Variants in GAS7 observed in about 807,000 individuals in gnomAD.
GAS7 encodes growth arrest-specific protein 7.
Under a neutral mutation model 71.1 loss-of-function variants are expected in GAS7, and 28 were observed. The ratio of observed to expected loss-of-function variants is 0.39; its 90% CI spans 0.29 to 0.54. The LOEUF is 0.54. Among genes scored for constraint, GAS7 ranks in the 20% least tolerant of loss-of-function variants. The pLI, the probability that GAS7 is intolerant of heterozygous loss-of-function variation, is 0.62. For missense variants in GAS7, 436 were observed against 627.8 expected (o/e 0.69, Z 3.27); for synonymous variants, 258 against 245.8 (o/e 1.05, Z -0.46).
intron 1 of GAS7, among the ~76,000 whole-genome samples, chr17:10,132,737 G>A (rs936477945): frequency 6.7e-6 from 1 of 149,978 alleles, no homozygotes; most frequent in Admixed American, 6.8e-5. Context: ...CAGTCTGGGC[G>A]ACAGAGTAAG....
At chr17:10,039,791 G>A (rs1207783624) in intron 1 of GAS7, 1 of 455,300 alleles carries the variant, frequency 2.2e-6, no homozygotes, top group East Asian at 7.0e-5. Flanking sequence ...GACACAGCCA[G>A]CATCCTAATG....
chr17:10,081,623 A>G (rs2073458309), intron 1 of GAS7, among the ~76,000 whole-genome samples: 1 of 152,266 alleles, frequency 6.6e-6, no homozygotes, highest in East Asian at 1.9e-4. Flanking sequence ...GAGAATGCAC[A>G]GGAAACCCAC....
intron 2 of GAS7, among the ~76,000 whole-genome samples, chr17:9,983,106 G>GT (rs2070498716): frequency 1.0e-5 from 1 of 95,540 alleles, no homozygotes; most frequent in Non-Finnish European, 2.6e-5. Context: ...GTATCCATAT[G>GT]TTGATTTGTT....
At chr17:10,112,540 AG>A (rs750029068) in intron 1 of GAS7, among the ~76,000 whole-genome samples, 1 of 152,204 alleles carries the variant, frequency 6.6e-6, no homozygotes, top group Non-Finnish European at 1.5e-5. Context: ...GTTCGAGACC[AG>A]CCTGACCAAC....
intron 1 of GAS7, among the ~76,000 whole-genome samples, chr17:10,067,739 C>T (rs1234607495): frequency 2.0e-5 from 3 of 152,178 alleles, no homozygotes; most frequent in African/African-American, 7.2e-5. Flanking sequence ...TTTGAAAATA[C>T]ATCCCAGACA....
chr17:10,026,809 T>C lies in GAS7; in HGVS notation c.184-6912A>G, dbSNP rs546062369. 5.3e-5 allele frequency among the ~76,000 whole-genome samples: 8 copies of C among 152,362 alleles called. No homozygotes were observed. The South Asian group carries it at 1.7e-3, about 32-fold the overall frequency. On this transcript the variant is annotated intron_variant, in intron 1 of 13. Transcript: ENST00000432992. The surrounding 1 kb of genome is among the most constrained non-coding windows in gnomAD (Gnocchi z 4.5). ...CGAGAAGGATACTCTCCTCCAGCTC[T>C]GGGTTAAGACACAAATCATGCAACA...
At chr17:9,923,631 C>G (rs1313007712) in intron 11 of GAS7, among the ~76,000 whole-genome samples, 2 of 152,212 alleles carry the variant, frequency 1.3e-5, no homozygotes, top group African/African-American at 4.8e-5. Flanking sequence ...CTACCAATTT[C>G]AAATCTTGAT....
chr17:10,016,616 A>C (rs1382614479), intron 2 of GAS7, among the ~76,000 whole-genome samples: 3 of 146,312 alleles, frequency 2.1e-5, no homozygotes, highest in Admixed American at 1.4e-4. Context: ...AAAAAAAAAA[A>C]AAAAAAAACA....
At chr17:10,037,941 G>A (rs2072786833) in intron 1 of GAS7, among the ~76,000 whole-genome samples, 1 of 151,780 alleles carries the variant, frequency 6.6e-6, no homozygotes, top group Non-Finnish European at 1.5e-5. Flanking sequence ...CTCCAAAGAA[G>A]ATATAAAAAT....
chr17:10,048,443 TA>T (rs2073013090), intron 1 of GAS7, among the ~76,000 whole-genome samples: 1 of 152,220 alleles, frequency 6.6e-6, no homozygotes, highest in Non-Finnish European at 1.5e-5. Context: ...CTCTTTCTAC[TA>T]GAATAAAAGC....
At chr17:9,932,000 C>A (rs988327259) in intron 9 of GAS7, among the ~76,000 whole-genome samples, 1 of 152,054 alleles carries the variant, frequency 6.6e-6, no homozygotes, top group East Asian at 1.9e-4. Context: ...GAGTGCTGAA[C>A]GTGGAAGTCC....
intron 1 of GAS7, among the ~76,000 whole-genome samples, chr17:10,102,606 C>T (rs1003743102): frequency 6.6e-6 from 1 of 152,102 alleles, no homozygotes; most frequent in African/African-American, 2.4e-5. Flanking sequence ...GTGGTCATCC[C>T]CTGACCTGGT....
At chr17:10,089,714 G>GT (rs77994642) in intron 1 of GAS7, among the ~76,000 whole-genome samples, 45,795 of 151,980 alleles carry the variant, frequency 0.3, 7,358 homozygotes, top group Non-Finnish European at 0.33. Flanking sequence ...GGGGAGAAAG[G>GT]TAAGGAGGAG....
chr17:10,148,776 G>T (rs1034533555), intron 1 of GAS7, among the ~76,000 whole-genome samples: 2 of 151,946 alleles, frequency 1.3e-5, no homozygotes, highest in Non-Finnish European at 2.9e-5. Context: ...TGGGCATGGT[G>T]GCGGGTGCCT....
chr17:10,034,173 A>G lies in GAS7; in HGVS notation c.184-14276T>C. The stretch of plus-strand genomic sequence containing the variant: ...GAATCGGAGCTGGTAAAGCTGCAGC[A>G]GTCTCGCTGGCAGATCTTGAGCAAC... On this transcript the variant is annotated intron_variant, in intron 1 of 13. Coordinates refer to ENST00000432992, the MANE Select transcript of GAS7 (RefSeq NM_201433.2). This position sits in a 1 kb window ranked among gnomAD's most constrained non-coding sequence, Gnocchi z 4.4. 1 of 984,936 alleles carries G rather than the reference A, an allele frequency of 1.0e-6. No homozygotes were observed. The allele number at this position is 984,936 out of a possible 1,614,324, so 61.0% of individuals were successfully genotyped here. A position where few individuals can be genotyped will look rare whatever the true frequency, so the allele number is the denominator to read the frequency against.
chr17:10,060,461 C>G (rs373083991), intron 1 of GAS7, among the ~76,000 whole-genome samples: 1 of 152,108 alleles, frequency 6.6e-6, no homozygotes, highest in Non-Finnish European at 1.5e-5. Context: ...CAGGGCCAGA[C>G]AGAAGTTACT....
rs139817284 is a variant in GAS7 at position 9,944,076 on chromosome 17, A to G, written c.616-840T>C. The stretch of plus-strand genomic sequence containing the variant: ...TACTTAGCAGCCAATTAATTTTGCA[A>G]ACAAATATTCTTAAAATTTCAAAAT... On this transcript the variant is annotated intron_variant, in intron 6 of 13. Coordinates refer to ENST00000432992, the MANE Select transcript of GAS7 (RefSeq NM_201433.2). Among the ~76,000 whole-genome samples the G allele has an allele frequency of 8.9e-3, 1,358 of 152,350 alleles. 25 individuals are homozygous for G. The highest frequency in any genetic ancestry group is 0.031 in the African/African-American group (1,302 of 41,580).
chr17:10,041,251 A>G (rs66968414), intron 1 of GAS7, among the ~76,000 whole-genome samples: 55,223 of 151,942 alleles, frequency 0.36, 10,699 homozygotes, highest in African/African-American at 0.51. Context: ...CAGGTTTGTG[A>G]AATTAAAATG....
At chr17:9,931,023 G>T (rs1322045094) in intron 9 of GAS7, among the ~76,000 whole-genome samples, 1 of 152,208 alleles carries the variant, frequency 6.6e-6, no homozygotes, top group Non-Finnish European at 1.5e-5. Context: ...GGGCCAGTCT[G>T]CAGTAGCCCA....
Sources: allele counts gnomAD v4.1 joint callset (sites outside exome capture counted in the v4.1 genomes callset), GRCh38; gene constraint gnomAD v4.1.1; non-coding constraint Gnocchi (gnomAD v3.1); transcripts MANE v1.5; gene names NCBI Gene and HGNC (gene_info 2026-07-23, HGNC 2026-07-21).